PIWIL1: variants seen among roughly 807,000 people sequenced by gnomAD.
The protein encoded by PIWIL1 is piwi like RNA-mediated gene silencing 1.
In PIWIL1, 73 loss-of-function variants were observed where a neutral mutation model predicts 114.4. The ratio of observed to expected loss-of-function variants is 0.64; its 90% CI spans 0.53 to 0.78. The LOEUF (loss-of-function observed/expected upper bound fraction) is 0.78. Among genes scored for constraint, PIWIL1 ranks in the 30% least tolerant of loss-of-function variants. The pLI, the probability that PIWIL1 is intolerant of heterozygous loss-of-function variation, is 0.00. For missense variants in PIWIL1, 723 were observed against 1,063.1 expected (o/e 0.68, Z 4.45); for synonymous variants, 375 against 369.0 (o/e 1.02, Z -0.19).
At chr12:130,392,562 T>C in the PIWIL1 span, among the ~76,000 whole-genome samples, 44 of 4,452 alleles carry the variant, frequency 9.9e-3, 7 homozygotes, top group Non-Finnish European at 0.035. Flanking sequence ...CACGTGTGTC[T>C]GTCAGTTACC....
At chr12:130,415,712 ATC>A in the PIWIL1 span, among the ~76,000 whole-genome samples, 2 of 151,922 alleles carry the variant, frequency 1.3e-5, no homozygotes, top group African/African-American at 4.8e-5. Context: ...AAGTCAAATT[ATC>A]TCTCTTCACT....
At chr12:130,391,643 T>C in the PIWIL1 span, among the ~76,000 whole-genome samples, 1 of 152,158 alleles carries the variant, frequency 6.6e-6, no homozygotes, top group Admixed American at 6.5e-5. Context: ...GTCACGAGGC[T>C]GGAGGCAAAG....
the PIWIL1 span, among the ~76,000 whole-genome samples, chr12:130,423,656 C>CAA: frequency 8.0e-5 from 4 of 50,126 alleles, no homozygotes; most frequent in Non-Finnish European, 1.4e-4. Flanking sequence ...AAACAATATG[C>CAA]AAAAAAAAAA....
chr12:130,340,782 T>C (rs985081823), intron 1 of PIWIL1, among the ~76,000 whole-genome samples: 1 of 152,148 alleles, frequency 6.6e-6, no homozygotes, highest in African/African-American at 2.4e-5. Context: ...GTAATCATTG[T>C]CATGATGCGC....
chr12:130,402,524 A>AC, the PIWIL1 span, among the ~76,000 whole-genome samples: 452 of 152,222 alleles, frequency 3.0e-3, 4 homozygotes, highest in African/African-American at 0.011. Flanking sequence ...TCAAAAGTGT[A>AC]CCATCAAAAC....
intron 14 of PIWIL1, among the ~76,000 whole-genome samples, chr12:130,357,898 A>G (rs898551953): frequency 7.2e-5 from 11 of 152,194 alleles, no homozygotes; most frequent in African/African-American, 2.7e-4. Context: ...TAGACGTATG[A>G]TTGCGTAATT....
chr12:130,400,318 G>T, the PIWIL1 span, among the ~76,000 whole-genome samples: 1 of 152,158 alleles, frequency 6.6e-6, no homozygotes, highest in African/African-American at 2.4e-5. Context: ...TCATGGATAG[G>T]TTATTATCGT....
the PIWIL1 span, among the ~76,000 whole-genome samples, chr12:130,416,742 T>G: frequency 6.6e-6 from 1 of 152,064 alleles, no homozygotes; most frequent in African/African-American, 2.4e-5. Flanking sequence ...TTAAAGAACT[T>G]CTGCACAGCA....
chr12:130,411,794 G>A, the PIWIL1 span, among the ~76,000 whole-genome samples: 1 of 152,156 alleles, frequency 6.6e-6, no homozygotes, highest in African/African-American at 2.4e-5. Context: ...TGTGGATTCT[G>A]TCTTGAAACA....
chr12:130,346,346 A>C, intron 4 of PIWIL1, 24 bp from the exon 5 acceptor site: 3 of 1,552,436 alleles, frequency 1.9e-6, no homozygotes, highest in Non-Finnish European at 2.7e-6. Flanking sequence ...TATTTTGTTA[A>C]TTGACTATAA....
At chr12:130,348,417 A>G (rs2073127749) in intron 7 of PIWIL1, among the ~76,000 whole-genome samples, 1 of 152,186 alleles carries the variant, frequency 6.6e-6, no homozygotes, top group Non-Finnish European at 1.5e-5. Context: ...TGCTGTTTGT[A>G]TTTTTGCCCT....
chr12:130,352,704 G>A (rs1362819914), intron 9 of PIWIL1, among the ~76,000 whole-genome samples: 1 of 152,170 alleles, frequency 6.6e-6, no homozygotes, highest in South Asian at 2.1e-4. Flanking sequence ...ATGACAGGCT[G>A]TTTGGCACCT....
At chr12:130,388,241 G>C in the PIWIL1 span, among the ~76,000 whole-genome samples, 3 of 152,132 alleles carry the variant, frequency 2.0e-5, no homozygotes, top group Non-Finnish European at 4.4e-5. Context: ...AGCCTCCCGA[G>C]TAGCTGGGAC....
the PIWIL1 span, among the ~76,000 whole-genome samples, chr12:130,378,780 T>C: frequency 6.6e-6 from 1 of 152,252 alleles, no homozygotes; most frequent in Non-Finnish European, 1.5e-5. Context: ...AAATGTCTGT[T>C]CAAATCTCTT....
At chr12:130,368,453 A>G (rs1158149427) in intron 19 of PIWIL1, among the ~76,000 whole-genome samples, 2 of 152,062 alleles carry the variant, frequency 1.3e-5, no homozygotes, top group Non-Finnish European at 2.9e-5. Context: ...GACAGTGGAG[A>G]GAAATTTTTA....
At position 130,361,326 on chromosome 12, in the gene PIWIL1, T is replaced by C. The variant is rs775094563; in HGVS notation, c.1812T>C (p.Ile604=). 30 of 1,614,218 alleles carry C rather than the reference T, an allele frequency of 1.9e-5. No individual in the cohort carries two copies. In the South Asian group the frequency reaches 3.3e-4, roughly 18 times the overall value. Residue 604 remains isoleucine, a synonymous_variant, in exon 15 of 21, where the codon ATT becomes ATC. Coordinates refer to ENST00000245255, the MANE Select transcript of PIWIL1 (RefSeq NM_004764.5). ...CTGTCATGGCCATTGCTACAAAGAT[T>C]GCCCTACAGATGAACTGCAAGATGG... The part of the protein sequence containing the change: ...QQTVMAIATK[I]ALQMNCKMGG...
rs2073811445 is a variant in PIWIL1, at chr12:130,371,333, T to G, written c.2469+10T>G. Reference sequence around the variant, plus strand: ...CTATTACAACTGGCCAGTAAGTGCTTCTACTTGTTGATGTTTAGCAAATAA... The same window carrying G: ...CTATTACAACTGGCCAGTAAGTGCTGCTACTTGTTGATGTTTAGCAAATAA... On this transcript the variant is annotated intron_variant, in intron 20 of 20. Coordinates refer to ENST00000245255, the MANE Select transcript of PIWIL1 (RefSeq NM_004764.5). 1 of 1,613,912 alleles carries G rather than the reference T, an allele frequency of 6.2e-7. No homozygotes were observed.
chr12:130,339,663 T>C (rs999030017), intron 1 of PIWIL1: 1 of 152,236 alleles, frequency 6.6e-6, no homozygotes, highest in African/African-American at 2.4e-5. Context: ...ACCAGAGTTG[T>C]GCTGGGAAAC....
At chr12:130,383,119 T>C in the PIWIL1 span, among the ~76,000 whole-genome samples, 1 of 152,242 alleles carries the variant, frequency 6.6e-6, no homozygotes, top group South Asian at 2.1e-4. Context: ...AAATTCTTAA[T>C]TGAATTAACC....
Sources: gnomAD v4.1 joint callset for allele counts (sites outside exome capture counted in the v4.1 genomes callset) on GRCh38, gnomAD v4.1.1 for gene constraint, MANE v1.5 for transcripts, NCBI Gene and HGNC (gene_info 2026-07-23, HGNC 2026-07-21) for gene names.